Variants in LRRC7 observed in about 807,000 individuals in gnomAD.
LRRC7 encodes leucine rich repeat containing 7, also known as leucine-rich repeat-containing protein 7.
In LRRC7, 23 loss-of-function variants were observed where a neutral mutation model predicts 175.7. The ratio of observed to expected loss-of-function variants is 0.13; its 90% CI spans 0.09 to 0.19. LRRC7 has a LOEUF of 0.19. LRRC7 is among the 10% of genes least tolerant of loss of function. LRRC7 has a pLI of 1.00. For missense variants in LRRC7, 1,354 were observed against 1,904.7 expected, an observed-to-expected ratio of 0.71 and a Z score of 5.38; for synonymous variants, 685 against 680.9, an observed-to-expected ratio of 1.01 and a Z score of -0.09.
At chr1:70,044,146 G>A in intron 22 of LRRC7, 52 bp downstream of exon 22, 1 of 1,581,852 alleles carries the variant, frequency 6.3e-7, no homozygotes, top group Non-Finnish European at 8.6e-7. Context: ...AATTAATGTT[G>A]TTTGTTCACT....
rs141443158 is a variant in LRRC7 at position 70,032,118 on chromosome 1, T to C, written c.1995+3747T>C. Among the ~76,000 whole-genome samples, 452 of 152,322 alleles carry C rather than the reference T, an allele frequency of 3.0e-3. 1 individual carries two copies. Among genetic ancestry groups the C allele is most frequent in the African/African-American group, 9.8e-3 (406 of 41,580 alleles). The stretch of plus-strand genomic sequence containing the variant: ...GGCCAAGGATTTTCATCAAAAAGAA[T>C]GTGCGATCTAATGTTGTAACTGAGA... On this transcript the variant is annotated intron_variant, in intron 18 of 26. Transcript: ENST00000651989.
At chr1:69,683,212 C>T (rs1012386445) in intron 2 of LRRC7, among the ~76,000 whole-genome samples, 2 of 152,106 alleles carry the variant, frequency 1.3e-5, no homozygotes, top group African/African-American at 2.4e-5. Flanking sequence ...TACATTTCTT[C>T]CCCTTTTCTC....
intron 1 of LRRC7, among the ~76,000 whole-genome samples, chr1:69,572,964 AAT>A (rs1264276529): frequency 6.6e-6 from 1 of 152,090 alleles, no homozygotes; most frequent in East Asian, 1.9e-4. Context: ...TAAATAATCA[AAT>A]ATGTCTATTT....
At chr1:69,893,736 CTAA>C (rs1370354907) in intron 7 of LRRC7, among the ~76,000 whole-genome samples, 1 of 152,098 alleles carries the variant, frequency 6.6e-6, no homozygotes, top group Non-Finnish European at 1.5e-5. Context: ...CATGTAGCTT[CTAA>C]TAATATCAAG....
intron 13 of LRRC7, among the ~76,000 whole-genome samples, chr1:70,013,377 T>C (rs1393275827): frequency 6.6e-6 from 1 of 151,742 alleles, no homozygotes; most frequent in Non-Finnish European, 1.5e-5. Flanking sequence ...CATAATAATA[T>C]GAAGACATGG....
chr1:69,667,023 G>A (rs1658370523), intron 1 of LRRC7, among the ~76,000 whole-genome samples: 1 of 151,980 alleles, frequency 6.6e-6, no homozygotes, highest in Non-Finnish European at 1.5e-5. Context: ...TTTGTTTGAA[G>A]ACATTTTTTC....
intron 21 of LRRC7, among the ~76,000 whole-genome samples, chr1:70,042,262 A>G (rs17131148): frequency 0.13 from 19,539 of 152,194 alleles, 1,732 homozygotes; most frequent in African/African-American, 0.24. Flanking sequence ...ACTGAAGCAC[A>G]GACTTATTAT....
chr1:69,794,195 C>G (rs1260720187), intron 4 of LRRC7, among the ~76,000 whole-genome samples: 1 of 151,966 alleles, frequency 6.6e-6, no homozygotes, highest in African/African-American at 2.4e-5. Flanking sequence ...ACAGGGGACA[C>G]GGACCTCTTT....
intron 16 of LRRC7, among the ~76,000 whole-genome samples, chr1:70,022,785 C>T (rs1285056682): frequency 6.6e-6 from 1 of 152,114 alleles, no homozygotes; most frequent in Non-Finnish European, 1.5e-5. Context: ...TGGTTCATTA[C>T]ATGTACATTA....
At chr1:69,865,888 G>T (rs1049623941) in intron 7 of LRRC7, among the ~76,000 whole-genome samples, 1 of 152,176 alleles carries the variant, frequency 6.6e-6, no homozygotes, top group Non-Finnish European at 1.5e-5. Context: ...CAGCAGTAAT[G>T]AGTGAAAACA....
intron 3 of LRRC7, among the ~76,000 whole-genome samples, chr1:69,778,115 C>A (rs1004427632): frequency 7.2e-5 from 11 of 152,166 alleles, no homozygotes; most frequent in Admixed American, 2.6e-4. Flanking sequence ...CTCTGCCTGG[C>A]ATGCTACTTT....
Position 70,041,978 on chromosome 1 carries a change from T to G in LRRC7, c.3970-1976T>G, listed in dbSNP as rs199596821. ...TTCATTGCTATGATGACACTTCCCT[T>G]CTGAGTTGATCTTCATATAACCTCT... On this transcript the variant is annotated intron_variant, in intron 21 of 26. Coordinates refer to ENST00000651989, the MANE Select transcript of LRRC7 (RefSeq NM_001370785.2). 2.6e-5 allele frequency among the ~76,000 whole-genome samples: 4 copies of G among 152,340 alleles called. No individual in the cohort carries two copies. In the East Asian group the frequency reaches 7.7e-4, roughly 29 times the overall value.
intron 9 of LRRC7, among the ~76,000 whole-genome samples, chr1:69,980,928 G>A (rs960784043): frequency 2.0e-5 from 3 of 152,004 alleles, no homozygotes; most frequent in Non-Finnish European, 4.4e-5. Flanking sequence ...TTTGAAAATG[G>A]CAAGGATCAT....
chr1:69,831,853 A>G (rs921574543), intron 5 of LRRC7, among the ~76,000 whole-genome samples: 2 of 152,140 alleles, frequency 1.3e-5, no homozygotes, highest in African/African-American at 4.8e-5. Context: ...GAAAGGACAT[A>G]CAGCAGGTCT....
At chr1:70,040,901 A>G (rs1388847269) in intron 21 of LRRC7, among the ~76,000 whole-genome samples, 1 of 152,152 alleles carries the variant, frequency 6.6e-6, no homozygotes, top group Non-Finnish European at 1.5e-5. Flanking sequence ...GATGCCTAGA[A>G]TTACATTTTG....
chr1:69,745,181 G>A (rs1426757652), intron 2 of LRRC7, among the ~76,000 whole-genome samples: 1 of 151,832 alleles, frequency 6.6e-6, no homozygotes, highest in African/African-American at 2.4e-5. Flanking sequence ...GGCAGTGAAT[G>A]GTGAAAAAAT....
chr1:69,922,222 G>A lies in LRRC7; in HGVS notation c.648-9285G>A, dbSNP rs201211623. Among the ~76,000 whole-genome samples, 125 of 152,084 alleles carry A rather than the reference G, an allele frequency of 8.2e-4. 2 individuals are homozygous for A. The highest frequency in any genetic ancestry group is 1.6e-3 in the Non-Finnish European group (109 of 68,028). On this transcript the variant is annotated intron_variant, in intron 7 of 26. Coordinates refer to ENST00000651989, the MANE Select transcript of LRRC7 (RefSeq NM_001370785.2). Reference sequence around the variant, plus strand: ...ATTACAGGCATGAGCCACCGTGCCCGGCACATTTTTCTTACTATTCCTGCT... The same window carrying A: ...ATTACAGGCATGAGCCACCGTGCCCAGCACATTTTTCTTACTATTCCTGCT...
intron 4 of LRRC7, among the ~76,000 whole-genome samples, chr1:69,823,730 C>T (rs1390205743): frequency 6.6e-6 from 1 of 152,024 alleles, no homozygotes; most frequent in African/African-American, 2.4e-5. Context: ...GACTTACATC[C>T]TCTGATTCTT....
intron 23 of LRRC7, among the ~76,000 whole-genome samples, chr1:70,072,678 C>T (rs1662480104): frequency 6.6e-6 from 1 of 152,064 alleles, no homozygotes; most frequent in Admixed American, 6.6e-5. Flanking sequence ...GCCAAGCCAT[C>T]TAAGAGCATG....
Sources: allele counts gnomAD v4.1 joint callset (sites outside exome capture counted in the v4.1 genomes callset), GRCh38; gene constraint gnomAD v4.1.1; transcripts MANE v1.5; gene names NCBI Gene and HGNC (gene_info 2026-07-23, HGNC 2026-07-21).